The following LEPR variants were observed in gnomAD, a reference collection of about 807,000 sequenced individuals.
LEPR encodes the protein OB receptor.
Under a neutral mutation model 114.7 loss-of-function variants are expected in LEPR, and 56 were observed. That is an observed-to-expected ratio of 0.49 (90% CI 0.39 to 0.61). The LOEUF (loss-of-function observed/expected upper bound fraction) is 0.61, where lower values mean the gene tolerates loss of function less well. LEPR is among the 20% of genes least tolerant of loss of function. LEPR has a pLI of 0.00. For missense variants in LEPR, 1,202 were observed against 1,352.9 expected (o/e 0.89, Z 1.75); for synonymous variants, 443 against 461.4 (o/e 0.96, Z 0.51).
chr1:65,440,019 A>AG (rs1200325456), intron 2 of LEPR, among the ~76,000 whole-genome samples: 4 of 148,038 alleles, frequency 2.7e-5, no homozygotes, highest in Non-Finnish European at 3.0e-5. Context: ...AAAAAAAAAA[A>AG]AAAAAGAAAA....
rs527580612 is a variant in LEPR at position 65,530,496 on chromosome 1, A to G, written c.-20-35050A>G. ...CAAGGTCTGCTGGTTGCCCATTTTT[A>G]TGGCTATTTCTTGATGATATGCTGA... On this transcript the variant is annotated intron_variant, in intron 2 of 19. Coordinates refer to ENST00000349533, the MANE Select transcript of LEPR (RefSeq NM_002303.6). Among the ~76,000 whole-genome samples the G allele has an allele frequency of 7.2e-5, 11 of 152,288 alleles. No individual in the cohort carries two copies. The South Asian group carries it at 8.3e-4, about 11-fold the overall frequency.
chr1:65,431,318 G>C (rs1268135951), intron 2 of LEPR, among the ~76,000 whole-genome samples: 1 of 152,142 alleles, frequency 6.6e-6, no homozygotes, highest in East Asian at 1.9e-4. Context: ...CCCCAAATGT[G>C]CTTCTGTAAA....
chr1:65,482,507 A>G (rs1647272870), intron 2 of LEPR, among the ~76,000 whole-genome samples: 2 of 152,180 alleles, frequency 1.3e-5, no homozygotes, highest in African/African-American at 4.8e-5. Flanking sequence ...TATGAGGACT[A>G]AGGGACCAAG....
chr1:65,623,062 T>G (rs1352069038), intron 19 of LEPR, 81 bp downstream of exon 19: 1 of 1,348,992 alleles, frequency 7.4e-7, no homozygotes, highest in Non-Finnish European at 1.0e-6. Flanking sequence ...CATTAAGCAT[T>G]TTTAAGATTT....
chr1:65,583,446 G>A (rs1655122986), intron 5 of LEPR, among the ~76,000 whole-genome samples: 1 of 152,108 alleles, frequency 6.6e-6, no homozygotes, highest in African/African-American at 2.4e-5. Context: ...TCCCACAAAC[G>A]AGATTGGAGA....
chr1:65,626,145 T>C, intron 19 of LEPR: 1 of 1,612,382 alleles, frequency 6.2e-7, no homozygotes, highest in East Asian at 2.2e-5. Context: ...ACAAAGGAAC[T>C]ACTGGGTGGA....
chr1:65,476,943 T>C (rs1570525507), intron 2 of LEPR, among the ~76,000 whole-genome samples: 1 of 152,192 alleles, frequency 6.6e-6, no homozygotes, highest in East Asian at 1.9e-4. Flanking sequence ...GAAATAAAGA[T>C]GCCAGAGTAC....
intron 2 of LEPR, among the ~76,000 whole-genome samples, chr1:65,468,156 A>G (rs1392687657): frequency 6.6e-6 from 1 of 152,084 alleles, no homozygotes; most frequent in Admixed American, 6.5e-5. Flanking sequence ...AGCTGTTCCT[A>G]TTTGGCCATC....
At chr1:65,590,721 G>A (rs1655639177) in intron 5 of LEPR, among the ~76,000 whole-genome samples, 1 of 151,942 alleles carries the variant, frequency 6.6e-6, no homozygotes, top group East Asian at 1.9e-4. Context: ...GCATAAGAAT[G>A]GACTAATACA....
At chr1:65,586,471 T>C (rs186730603) in intron 5 of LEPR, among the ~76,000 whole-genome samples, 121 of 152,118 alleles carry the variant, frequency 8.0e-4, no homozygotes, top group African/African-American at 2.9e-3. Flanking sequence ...ATAGTAAACA[T>C]TTTGGGGTTT....
At chr1:65,579,586 T>C (rs550511206) in intron 5 of LEPR, among the ~76,000 whole-genome samples, 2 of 152,312 alleles carry the variant, frequency 1.3e-5, no homozygotes, top group African/African-American at 4.8e-5. Flanking sequence ...CAGAGAAAAG[T>C]ATTCCTTTGC....
intron 2 of LEPR, among the ~76,000 whole-genome samples, chr1:65,550,523 G>A (rs1557656415): frequency 6.6e-6 from 1 of 152,190 alleles, no homozygotes; most frequent in Admixed American, 6.5e-5. Context: ...GGCCATGGCG[G>A]GTGCCCCTGC....
intron 3 of LEPR, among the ~76,000 whole-genome samples, chr1:65,568,605 T>G (rs1653939785): frequency 6.6e-6 from 1 of 152,146 alleles, no homozygotes; most frequent in African/African-American, 2.4e-5. Flanking sequence ...TCCATGACTT[T>G]GCTATTGTGA....
At chr1:65,503,595 TG>T (rs1488277875) in intron 2 of LEPR, among the ~76,000 whole-genome samples, 1 of 152,032 alleles carries the variant, frequency 6.6e-6, no homozygotes, top group African/African-American at 2.4e-5. Flanking sequence ...GTAAATGGAA[TG>T]TGGATAGCAG....
chr1:65,474,663 C>G (rs1380892145), intron 2 of LEPR, among the ~76,000 whole-genome samples: 2 of 151,982 alleles, frequency 1.3e-5, no homozygotes, highest in Non-Finnish European at 2.9e-5. Flanking sequence ...AGTCCACAGC[C>G]AAATAGAGGA....
intron 2 of LEPR, among the ~76,000 whole-genome samples, chr1:65,524,475 G>A (rs1649799961): frequency 6.6e-6 from 1 of 152,218 alleles, no homozygotes; most frequent in African/African-American, 2.4e-5. Context: ...CTCGTTCTGA[G>A]AGGCGATTCC....
At chr1:65,528,098 G>A (rs1650100248) in intron 2 of LEPR, among the ~76,000 whole-genome samples, 1 of 151,652 alleles carries the variant, frequency 6.6e-6, no homozygotes, top group South Asian at 2.1e-4. Flanking sequence ...AGGAACAAAT[G>A]GTGTGTATTT....
At chr1:65,533,615 T>C (rs978512111) in intron 2 of LEPR, among the ~76,000 whole-genome samples, 2 of 152,186 alleles carry the variant, frequency 1.3e-5, no homozygotes, top group Admixed American at 6.5e-5. Flanking sequence ...GCCTTTCTTC[T>C]TTTTGAAAAG....
intron 5 of LEPR, chr1:65,577,266 A>G (rs1440553829): frequency 6.5e-6 from 1 of 154,074 alleles, no homozygotes; most frequent in Non-Finnish European, 1.5e-5. Context: ...CCTTGAATCA[A>G]TCCCTCACAC....
Sources: allele counts gnomAD v4.1 joint callset (sites outside exome capture counted in the v4.1 genomes callset), GRCh38; gene constraint gnomAD v4.1.1; transcripts MANE v1.5; gene names NCBI Gene and HGNC (gene_info 2026-07-23, HGNC 2026-07-21).